Variants in REEP5 observed in about 807,000 individuals in gnomAD.
REEP5 encodes receptor accessory protein 5.
REEP5 carries 24 observed loss-of-function variants against 22.4 expected under a neutral mutation model. That is an observed-to-expected ratio of 1.07 (90% CI 0.78 to 1.51). REEP5 has a LOEUF of 1.51. Ranked by LOEUF, REEP5 falls within the 40% of genes most tolerant of loss-of-function variation. The pLI, the probability that REEP5 is intolerant of heterozygous loss-of-function variation, is 0.00. For synonymous variants in REEP5, 103 were observed against 88.6 expected (o/e 1.16, Z -0.92); for missense variants, 252 against 233.0 (o/e 1.08, Z -0.53).
At position 112,911,292 on chromosome 5, in the gene REEP5, T is replaced by C. The variant is rs113564264; in HGVS notation, c.213-8774A>G. On this transcript the variant is annotated intron_variant, in intron 2 of 4. Coordinates refer to ENST00000379638, the MANE Select transcript of REEP5 (RefSeq NM_005669.5). ...ACTTCTTACATGAGGTAATTCAAGG[T>C]CATTATTCTTTAGGCCACTGTAAAT... 9.4e-3 allele frequency among the ~76,000 whole-genome samples: 1,431 copies of C among 152,290 alleles called. 8 individuals are homozygous for C. The highest frequency in any genetic ancestry group is 0.015 in the Non-Finnish European group (1,023 of 68,014).
At chr5:112,879,884 G>A (rs1768016801) in intron 4 of REEP5, among the ~76,000 whole-genome samples, 1 of 151,978 alleles carries the variant, frequency 6.6e-6, no homozygotes, top group Non-Finnish European at 1.5e-5. Flanking sequence ...TTTGAGACCA[G>A]CCTGGCCAAT....
chr5:112,913,867 C>T lies in REEP5; in HGVS notation c.212+7296G>A, dbSNP rs76289634. ...GGCTATCACCCTAGCAGCTTAGTCT[C>T]TAAGACCCCTTTTAGCTAACATTTT... On this transcript the variant is annotated intron_variant, in intron 2 of 4. Transcript: ENST00000379638. 4.5e-3 allele frequency among the ~76,000 whole-genome samples: 680 copies of T among 152,216 alleles called. 7 individuals carry two copies. Among genetic ancestry groups the T allele is most frequent in the African/African-American group, 0.016 (661 of 41,544 alleles).
chr5:112,913,367 AAAG>A (rs1414286890), intron 2 of REEP5, among the ~76,000 whole-genome samples: 1 of 106,818 alleles, frequency 9.4e-6, no homozygotes, highest in Non-Finnish European at 1.8e-5. Flanking sequence ...GAAAGGAAAG[AAAG>A]AAGAAAGAAA....
chr5:112,890,108 T>G (rs528767786), intron 3 of REEP5, among the ~76,000 whole-genome samples: 3 of 150,400 alleles, frequency 2.0e-5, no homozygotes, highest in African/African-American at 7.4e-5. Flanking sequence ...ATTACAGGCG[T>G]GAGCCACCGC....
intron 2 of REEP5, among the ~76,000 whole-genome samples, chr5:112,912,848 C>T (rs181344210): frequency 6.6e-6 from 1 of 152,284 alleles, no homozygotes; most frequent in East Asian, 1.9e-4. Context: ...AAGACATAAA[C>T]ACTAGTTCGT....
intron 3 of REEP5, chr5:112,892,920 C>G (rs1331042515): frequency 6.2e-7 from 1 of 1,606,506 alleles, no homozygotes; most frequent in African/African-American, 1.3e-5. Flanking sequence ...ATTCACCAAG[C>G]AGAGGAAGAA....
At chr5:112,905,810 C>G (rs55948553) in intron 2 of REEP5, among the ~76,000 whole-genome samples, 1 of 151,854 alleles carries the variant, frequency 6.6e-6, no homozygotes, top group South Asian at 2.1e-4. Flanking sequence ...TTTATAAAGA[C>G]GGGGTTTTGC....
At chr5:112,901,430 C>G (rs185549015) in intron 3 of REEP5, among the ~76,000 whole-genome samples, 2 of 151,966 alleles carry the variant, frequency 1.3e-5, no homozygotes, top group Non-Finnish European at 2.9e-5. Context: ...AGATTGAGTC[C>G]GGGCACGGTG....
intron 2 of REEP5, among the ~76,000 whole-genome samples, chr5:112,913,536 TAAAAAAAA>T (rs148324454): frequency 1.5e-5 from 1 of 65,440 alleles, no homozygotes; most frequent in African/African-American, 5.7e-5. Flanking sequence ...TGACCCTGGC[TAAAAAAAA>T]AAAAAAAAAA....
intron 4 of REEP5, 38 bp downstream of exon 4, chr5:112,886,974 TCTC>T (rs756668268): frequency 1.4e-5 from 20 of 1,461,670 alleles, no homozygotes; most frequent in Middle Eastern, 4.1e-4. Flanking sequence ...GTGTGTCACA[TCTC>T]CTCTCACATG....
At position 112,878,600 on chromosome 5, in the gene REEP5, A is replaced by G. The variant is rs1270684447; in HGVS notation, c.*186T>C. ...GGACACTGCCCACTGCATTAAGTTTAAAGTGCTCCCTATATATATAGACAG... is the reference window on the plus strand; with the variant it reads ...GGACACTGCCCACTGCATTAAGTTTGAAGTGCTCCCTATATATATAGACAG... On this transcript the variant is annotated 3_prime_UTR_variant, in exon 5 of 5. Transcript: ENST00000379638. The G allele has an allele frequency of 1.2e-6, 1 of 844,290 alleles. No individual in the cohort carries two copies. The highest frequency in any genetic ancestry group is 1.8e-6 in the Non-Finnish European group (1 of 569,548). The allele number at this position is 844,290 out of a possible 1,614,324, so 52.3% of individuals were successfully genotyped here.
At chr5:112,903,157 C>T (rs952630821) in intron 2 of REEP5, among the ~76,000 whole-genome samples, 31 of 152,298 alleles carry the variant, frequency 2.0e-4, no homozygotes, top group African/African-American at 6.7e-4. Context: ...ATTCATTCTG[C>T]AAATGGATGG....
intron 2 of REEP5, among the ~76,000 whole-genome samples, chr5:112,910,192 A>T (rs1400621785): frequency 2.0e-5 from 3 of 152,124 alleles, no homozygotes; most frequent in African/African-American, 2.4e-5. Context: ...AGTCCCAGCT[A>T]CTCGGGAGGC....
chr5:112,904,682 C>A (rs1768917338), intron 2 of REEP5, among the ~76,000 whole-genome samples: 1 of 152,178 alleles, frequency 6.6e-6, no homozygotes, highest in Admixed American at 6.5e-5. Flanking sequence ...AAACAGACAT[C>A]TTCACATAAA....
rs541478897 is a variant in REEP5 at position 112,876,653 on chromosome 5, A to T, written c.*2133T>A. 6.6e-6 allele frequency: 1 copy of T among 152,322 alleles called. No individual in the cohort carries two copies. Among genetic ancestry groups the T allele is most frequent in the Admixed American group, 6.5e-5 (1 of 15,288 alleles). The allele number at this position is 152,322 out of a possible 1,614,324, so 9.4% of individuals were successfully genotyped here. On this transcript the variant is annotated 3_prime_UTR_variant, in exon 5 of 5. Transcript: ENST00000379638. ...TTGAAACACTATTCACATTCAAATA[A>T]ACGCTTGTTTTCTAGCCAGGCACAG...
chr5:112,886,083 C>G lies in REEP5; in HGVS notation c.520+932G>C, dbSNP rs1238111412. Among the ~76,000 whole-genome samples, 6 of 152,346 alleles carry G rather than the reference C, an allele frequency of 3.9e-5. No individual in the cohort carries two copies. The East Asian group carries it at 1.2e-3, about 29-fold the overall frequency. On this transcript the variant is annotated intron_variant, in intron 4 of 4. Coordinates refer to ENST00000379638, the MANE Select transcript of REEP5 (RefSeq NM_005669.5). Reference sequence around the variant, plus strand: ...GAGGAGACTGGCCAATGAACTCTTTCACCAGCTGGTTAGTGTCTAAGGAGT... The same window carrying G: ...GAGGAGACTGGCCAATGAACTCTTTGACCAGCTGGTTAGTGTCTAAGGAGT...
intron 2 of REEP5, among the ~76,000 whole-genome samples, chr5:112,903,143 CA>C (rs1298920911): frequency 6.6e-6 from 1 of 152,132 alleles, no homozygotes; most frequent in African/African-American, 2.4e-5. Flanking sequence ...ATTGCTTAAA[CA>C]AAATTCATTC....
rs1332239437 is a variant in REEP5 at position 112,878,135 on chromosome 5, G to GATTTC, written c.*646_*650dup. On this transcript the variant is annotated 3_prime_UTR_variant, in exon 5 of 5. Transcript: ENST00000379638. ...GAAACAACCAGGCCAATCTCCATTC[G>GATTTC]ATTTCATTTCTCACTTTGTTCACTT... 2 of 152,372 alleles carry GATTTC rather than the reference G, an allele frequency of 1.3e-5. No homozygotes were observed. Among genetic ancestry groups the GATTTC allele is most frequent in the East Asian group, 1.9e-4 (1 of 5,194 alleles). 9.4% of individuals were successfully genotyped at this position (152,372 alleles called of 1,614,324 possible).
chr5:112,898,728 A>G (rs939085042), intron 3 of REEP5, among the ~76,000 whole-genome samples: 3 of 152,252 alleles, frequency 2.0e-5, no homozygotes, highest in Non-Finnish European at 4.4e-5. Context: ...GGATCTTATT[A>G]AGGGCTTTAA....
Sources: gnomAD v4.1 joint callset for allele counts (sites outside exome capture counted in the v4.1 genomes callset) on GRCh38, gnomAD v4.1.1 for gene constraint, MANE v1.5 for transcripts, NCBI Gene and HGNC (gene_info 2026-07-23, HGNC 2026-07-21) for gene names.